Variants in CLIC5 observed in about 807,000 individuals in gnomAD.
CLIC5 encodes the protein CLIC family member 5.
Under a neutral mutation model 24.7 loss-of-function variants are expected in CLIC5, and 20 were observed. That is an observed-to-expected ratio of 0.81 (90% CI 0.57 to 1.18). The LOEUF (loss-of-function observed/expected upper bound fraction) is 1.18. CLIC5 is among the 50% of genes most tolerant of loss of function. The pLI is 0.00. For synonymous variants in CLIC5, 159 were observed against 135.6 expected (o/e 1.17, Z -1.20); for missense variants, 341 against 326.1 (o/e 1.05, Z -0.35).
chr6:46,100,152 G>C, the CLIC5 span, among the ~76,000 whole-genome samples: 1 of 152,130 alleles, frequency 6.6e-6, no homozygotes, highest in Non-Finnish European at 1.5e-5. Flanking sequence ...ACTCATCCCA[G>C]TTTGGCTCCA....
At chr6:46,050,502 C>G (rs1768073439) in intron 1 of CLIC5, among the ~76,000 whole-genome samples, 1 of 152,172 alleles carries the variant, frequency 6.6e-6, no homozygotes, top group Non-Finnish European at 1.5e-5. Context: ...TTGCTAGTTG[C>G]CAAGTTTGAA....
At chr6:46,018,004 A>T (rs991404967), upstream of CLIC5, among the ~76,000 whole-genome samples, 8 of 152,166 alleles carry the variant, frequency 5.3e-5, no homozygotes, top group Admixed American at 1.3e-4. Context: ...TCAGGCTTAC[A>T]TCACCAAAGC....
downstream of CLIC5, among the ~76,000 whole-genome samples, chr6:45,897,890 G>A (rs1375366805): frequency 1.3e-5 from 2 of 151,988 alleles, no homozygotes; most frequent in African/African-American, 4.8e-5. Flanking sequence ...CAATGCAGAT[G>A]GGAAATATGA....
chr6:45,896,901 C>G (rs1762400619), downstream of CLIC5, among the ~76,000 whole-genome samples: 1 of 152,172 alleles, frequency 6.6e-6, no homozygotes, highest in African/African-American at 2.4e-5. Flanking sequence ...AATGATCTAA[C>G]TGGCTATTAA....
At chr6:46,019,663 G>A (rs768627400), upstream of CLIC5, among the ~76,000 whole-genome samples, 322 of 144,356 alleles carry the variant, frequency 2.2e-3, 2 homozygotes, top group Non-Finnish European at 4.1e-3. Flanking sequence ...TCCGCAGTCC[G>A]GCCTGGGCGA....
At chr6:45,928,879 T>C (rs1323950415) in intron 4 of CLIC5, among the ~76,000 whole-genome samples, 5 of 151,924 alleles carry the variant, frequency 3.3e-5, no homozygotes, top group Admixed American at 3.3e-4. Context: ...TAGGATGAGG[T>C]AACGGTAGGA....
At chr6:45,934,402 A>C (rs1467300162) in intron 4 of CLIC5, 1 of 149,150 alleles carries the variant, frequency 6.7e-6, no homozygotes, top group Non-Finnish European at 1.5e-5. Context: ...CAGAGGTGGA[A>C]ATAAGAGAGA....
intron 3 of CLIC5, among the ~76,000 whole-genome samples, chr6:45,948,849 A>C (rs553657109): frequency 6.6e-6 from 1 of 152,172 alleles, no homozygotes; most frequent in East Asian, 1.9e-4. Context: ...TCACTGGGTT[A>C]CCCTTTCCTG....
At chr6:46,088,669 T>A in the CLIC5 span, among the ~76,000 whole-genome samples, 30 of 152,322 alleles carry the variant, frequency 2.0e-4, no homozygotes, top group East Asian at 3.9e-3. Context: ...AAAGAAGACA[T>A]TATATAATGT....
chr6:45,945,183 A>T (rs1764250561), intron 3 of CLIC5, among the ~76,000 whole-genome samples: 3 of 152,166 alleles, frequency 2.0e-5, no homozygotes. Context: ...GCTTCCATTT[A>T]ATGAGCTCTT....
chr6:46,038,489 C>T (rs772374430), intron 1 of CLIC5, among the ~76,000 whole-genome samples: 1 of 152,174 alleles, frequency 6.6e-6, no homozygotes, highest in Non-Finnish European at 1.5e-5. Context: ...CCATTCTTCA[C>T]TGTTACTCTG....
chr6:46,080,948 C>A (rs568603640), upstream of CLIC5, among the ~76,000 whole-genome samples: 28 of 152,160 alleles, frequency 1.8e-4, no homozygotes, highest in Admixed American at 1.4e-3. Flanking sequence ...TTTATTTTTC[C>A]CCCTTAAATC....
At chr6:46,120,028 G>A in the CLIC5 span, among the ~76,000 whole-genome samples, 2 of 152,200 alleles carry the variant, frequency 1.3e-5, no homozygotes, top group African/African-American at 2.4e-5. Flanking sequence ...CAAACAAAAG[G>A]CAGCAAAAAC....
At chr6:45,927,814 A>G (rs1391454886) in intron 4 of CLIC5, among the ~76,000 whole-genome samples, 1 of 152,146 alleles carries the variant, frequency 6.6e-6, no homozygotes, top group Non-Finnish European at 1.5e-5. Context: ...CATTATAGAA[A>G]ATATACATGT....
intron 4 of CLIC5, chr6:45,934,179 G>A (rs9349337): frequency 0.24 from 36,382 of 152,062 alleles, 4,895 homozygotes; most frequent in East Asian, 0.4. Flanking sequence ...TACCTTCTGT[G>A]TGGCGCACGA....
chr6:45,932,196 A>T (rs1165891896), intron 4 of CLIC5, among the ~76,000 whole-genome samples: 1 of 152,100 alleles, frequency 6.6e-6, no homozygotes, highest in East Asian at 1.9e-4. Flanking sequence ...TGCAACCTAC[A>T]ACTCCCTGGT....
chr6:46,049,591 C>T lies in CLIC5; in HGVS notation c.540+30112G>A, dbSNP rs143632283. 1.2e-4 allele frequency among the ~76,000 whole-genome samples: 19 copies of T among 152,244 alleles called. No homozygotes were observed. In the East Asian group the frequency reaches 3.7e-3, roughly 29 times the overall value. On this transcript the variant is annotated intron_variant, in intron 1 of 5. Coordinates refer to the CLIC5 transcript ENST00000185206. ...GACCAACAGACCCAGGTATGAGTCCCCATTTCAATATAACCTTCAGATCCA... is the reference window on the plus strand; with the variant it reads ...GACCAACAGACCCAGGTATGAGTCCTCATTTCAATATAACCTTCAGATCCA...
At chr6:45,969,205 C>A (rs1765113501) in intron 1 of CLIC5, among the ~76,000 whole-genome samples, 1 of 152,152 alleles carries the variant, frequency 6.6e-6, no homozygotes, top group Non-Finnish European at 1.5e-5. Context: ...AGCTTGTGGA[C>A]TAGCATTCTA....
At chr6:46,110,484 CAG>C in the CLIC5 span, among the ~76,000 whole-genome samples, 5 of 152,164 alleles carry the variant, frequency 3.3e-5, no homozygotes, top group Non-Finnish European at 5.9e-5. Context: ...TCTTTTGTAA[CAG>C]AATGTGATTA....
Sources: gnomAD v4.1 joint callset for allele counts (sites outside exome capture counted in the v4.1 genomes callset) on GRCh38, gnomAD v4.1.1 for gene constraint, MANE v1.5 for transcripts, NCBI Gene and HGNC (gene_info 2026-07-23, HGNC 2026-07-21) for gene names.